PSD2: variants seen among roughly 807,000 people sequenced by gnomAD.
The protein encoded by PSD2 is PH and SEC7 domain-containing protein 2.
PSD2 carries 38 observed loss-of-function variants against 69.8 expected under a neutral mutation model. That is an observed-to-expected ratio of 0.54 (90% confidence interval 0.42 to 0.71). The LOEUF (loss-of-function observed/expected upper bound fraction) is 0.71, where lower values mean the gene tolerates loss of function less well. Among genes scored for constraint, PSD2 ranks in the 30% least tolerant of loss-of-function variants. The pLI, the probability that PSD2 is intolerant of heterozygous loss-of-function variation, is 0.00. For missense variants in PSD2, 943 were observed against 1,014.5 expected (o/e 0.93, Z 0.96); for synonymous variants, 412 against 423.0 (o/e 0.97, Z 0.32).
At chr5:139,790,061 C>T in the PSD2 span, among the ~76,000 whole-genome samples, 651 of 152,050 alleles carry the variant, frequency 4.3e-3, 3 homozygotes, top group African/African-American at 0.013. Flanking sequence ...GGTGTGTCTG[C>T]AGGAGAATGA....
chr5:139,807,609 T>C (rs1395980534), intron 1 of PSD2, among the ~76,000 whole-genome samples: 1 of 152,152 alleles, frequency 6.6e-6, no homozygotes, highest in Admixed American at 6.5e-5. Flanking sequence ...AAGTCTCCCT[T>C]ATGAAGTTAT....
intron 1 of PSD2, among the ~76,000 whole-genome samples, chr5:139,807,684 C>T (rs186176514): frequency 1.3e-5 from 2 of 152,290 alleles, no homozygotes; most frequent in Admixed American, 1.3e-4. Context: ...TTCTACTCTC[C>T]TCTTTTCCAC....
At position 139,809,605 on chromosome 5, in the gene PSD2, G is replaced by A. The variant is rs762492382; in HGVS notation, c.165G>A (p.Ala55=). The part of the protein sequence containing the change: ...SPGHERRGTP[A]DTEEPTKDPD... ...GGCACGAGCGAAGGGGCACCCCAGC[G>A]GACACTGAGGAACCCACGAAGGACC... Residue 55 remains alanine, a synonymous_variant, in exon 2 of 15, where the codon GCG becomes GCA. Transcript: ENST00000274710. 2.3e-5 allele frequency: 37 copies of A among 1,614,136 alleles called. No homozygotes were observed. The highest frequency in any genetic ancestry group is 7.7e-5 in the South Asian group (7 of 91,094).
At chr5:139,825,031 C>T (rs758073409) in intron 7 of PSD2, among the ~76,000 whole-genome samples, 2 of 152,124 alleles carry the variant, frequency 1.3e-5, no homozygotes, top group Non-Finnish European at 2.9e-5. Context: ...GTAGAAGAGG[C>T]GCTGGGACCC....
At chr5:139,833,896 A>C in intron 8 of PSD2, 105 bp downstream of exon 8, 1 of 851,252 alleles carries the variant, frequency 1.2e-6, no homozygotes, top group East Asian at 2.4e-5. Flanking sequence ...CCGTTAACAC[A>C]GGGTGCAGGG....
At chr5:139,755,338 G>C in the PSD2 span, among the ~76,000 whole-genome samples, 1 of 152,188 alleles carries the variant, frequency 6.6e-6, no homozygotes, top group African/African-American at 2.4e-5. Flanking sequence ...GTGTGTTCCA[G>C]AGACGCTAGT....
the PSD2 span, among the ~76,000 whole-genome samples, chr5:139,746,559 G>T: frequency 6.6e-6 from 1 of 152,190 alleles, no homozygotes; most frequent in African/African-American, 2.4e-5. The surrounding 1 kb of genome is among the most constrained non-coding windows in gnomAD (Gnocchi z 4.5). Context: ...AGAATCCCCC[G>T]CGGGGGAGGC....
intron 1 of PSD2, among the ~76,000 whole-genome samples, chr5:139,802,869 C>T (rs553978824): frequency 4.6e-5 from 7 of 152,212 alleles, no homozygotes; most frequent in African/African-American, 1.7e-4. Flanking sequence ...TCCAAGGGCC[C>T]CTGAGAATCC....
chr5:139,796,273 C>T (rs1759524941), intron 1 of PSD2, among the ~76,000 whole-genome samples: 1 of 152,194 alleles, frequency 6.6e-6, no homozygotes, highest in African/African-American at 2.4e-5. Context: ...ACGGTGGGGG[C>T]TGCCGGGCCG....
the PSD2 span, among the ~76,000 whole-genome samples, chr5:139,755,560 G>T: frequency 6.6e-6 from 1 of 152,012 alleles, no homozygotes; most frequent in Non-Finnish European, 1.5e-5. Context: ...TTGTCTCTGT[G>T]TGTGTGTATC....
intron 5 of PSD2, among the ~76,000 whole-genome samples, chr5:139,818,811 A>G (rs1367752212): frequency 6.6e-6 from 1 of 152,180 alleles, no homozygotes; most frequent in East Asian, 1.9e-4. Context: ...ATAGGCATAA[A>G]TGGGTTTTGA....
chr5:139,795,625 T>C (rs531397463), upstream of PSD2, among the ~76,000 whole-genome samples: 424 of 151,616 alleles, frequency 2.8e-3, no homozygotes, highest in African/African-American at 9.9e-3. The surrounding 1 kb of genome is among the most constrained non-coding windows in gnomAD (Gnocchi z 4.5). Flanking sequence ...GGCCGCGCTC[T>C]CCCCGGCACG....
At chr5:139,766,613 C>T in the PSD2 span, among the ~76,000 whole-genome samples, 2 of 152,218 alleles carry the variant, frequency 1.3e-5, no homozygotes, top group African/African-American at 4.8e-5. Context: ...ATTTTGTGCC[C>T]ATTCCAGCAG....
In PSD2 at chr5:139,813,650, T is replaced by C; in HGVS notation, c.713T>C (p.Leu238Pro). 1 of 1,613,994 alleles carries C rather than the reference T, an allele frequency of 6.2e-7. No homozygotes were observed. Among genetic ancestry groups the C allele is most frequent in the East Asian group, 2.2e-5 (1 of 44,876 alleles). The part of the protein sequence containing the change: ...SSRSENVLSR[L>P]SLMAMPNGFH... The stretch of plus-strand genomic sequence containing the variant: ...CGCTCTGAGAATGTCCTGAGCCGCC[T>C]GTCTCTCATGGCCATGCCCAATGGA... The change falls in exon 3 of 15, where the codon CTG (leucine) becomes CCG (proline). Residue 238 changes from leucine to proline, a missense_variant. By Grantham distance (98) the Leu-to-Pro change is moderately conservative. This residue lies in a region of PSD2 where 466 missense variants were observed against 445.0 expected (regional missense o/e 1.05). Coordinates refer to ENST00000274710, the MANE Select transcript of PSD2 (RefSeq NM_032289.4).
the PSD2 span, among the ~76,000 whole-genome samples, chr5:139,790,586 T>C: frequency 6.6e-6 from 1 of 152,106 alleles, no homozygotes; most frequent in African/African-American, 2.4e-5. Context: ...TGAGGAGTCC[T>C]GGAAGTCAAG....
At chr5:139,830,720 A>G (rs192774575) in intron 7 of PSD2, among the ~76,000 whole-genome samples, 1,234 of 103,250 alleles carry the variant, frequency 0.012, 14 homozygotes, top group Non-Finnish European at 0.018. Flanking sequence ...AGGTCTCCCT[A>G]TGTTGCCCAG....
chr5:139,808,576 G>A (rs1283930969), intron 1 of PSD2, among the ~76,000 whole-genome samples: 1 of 152,208 alleles, frequency 6.6e-6, no homozygotes, highest in African/African-American at 2.4e-5. Flanking sequence ...TCCCCAGAGT[G>A]CCCCTTGGCG....
rs148850712 is a variant in PSD2 at position 139,825,866 on chromosome 5, T to C, written c.1269+3082T>C. Among the ~76,000 whole-genome samples the C allele has an allele frequency of 2.6e-3, 397 of 152,240 alleles. 1 individual carries two copies. The highest frequency in any genetic ancestry group is 9.0e-3 in the African/African-American group (376 of 41,548). Reference sequence around the variant, plus strand: ...TGGAATTCAAAGCTATGGGACTGGCTGATTGCCATGTCCCTGCAGAGAGAA... The same window carrying C: ...TGGAATTCAAAGCTATGGGACTGGCCGATTGCCATGTCCCTGCAGAGAGAA... On this transcript the variant is annotated intron_variant, in intron 7 of 14. Coordinates refer to ENST00000274710, the MANE Select transcript of PSD2 (RefSeq NM_032289.4).
chr5:139,793,672 T>G (rs1759459255), upstream of PSD2, among the ~76,000 whole-genome samples: 1 of 152,248 alleles, frequency 6.6e-6, no homozygotes, highest in Non-Finnish European at 1.5e-5. Flanking sequence ...TGTTAGGTGC[T>G]GAGGATACAC....
Sources: allele counts gnomAD v4.1 joint callset (sites outside exome capture counted in the v4.1 genomes callset), GRCh38; gene constraint gnomAD v4.1.1; regional missense constraint gnomAD v4.1.1; non-coding constraint Gnocchi (gnomAD v3.1); transcripts MANE v1.5; gene names NCBI Gene and HGNC (gene_info 2026-07-23, HGNC 2026-07-21).